Variants in WASHC4 observed in about 807,000 individuals in gnomAD.
The protein encoded by WASHC4 is WASH complex subunit 4.
A neutral mutation model predicts 166.6 loss-of-function variants in WASHC4; 86 were observed. The observed-to-expected ratio is 0.52, with a 90% CI of 0.43 to 0.62. WASHC4 has a LOEUF of 0.62. Among genes scored for constraint, WASHC4 ranks in the 20% least tolerant of loss-of-function variants. WASHC4 has a pLI of 0.00. For synonymous variants in WASHC4, 446 were observed against 451.6 expected, an observed-to-expected ratio of 0.99 and a Z score of 0.16; for missense variants, 1,262 against 1,382.4, an observed-to-expected ratio of 0.91 and a Z score of 1.38.
intron 30 of WASHC4, among the ~76,000 whole-genome samples, chr12:105,163,661 C>G (rs777106027): frequency 3.3e-5 from 5 of 152,074 alleles, no homozygotes; most frequent in African/African-American, 4.8e-5. Flanking sequence ...ATCGCCACAT[C>G]TGGCTAATTA....
intron 26 of WASHC4, among the ~76,000 whole-genome samples, chr12:105,155,439 A>ATT (rs1307233101): frequency 6.6e-6 from 1 of 152,028 alleles, no homozygotes; most frequent in Non-Finnish European, 1.5e-5. Context: ...GTGAGCAAAG[A>ATT]TCTAAGTGGC....
intron 13 of WASHC4, among the ~76,000 whole-genome samples, chr12:105,128,635 T>TTAGGGATGCTGAAC (rs1222417252): frequency 1.3e-5 from 2 of 152,176 alleles, no homozygotes; most frequent in Admixed American, 6.5e-5. Flanking sequence ...GGATTTCAGA[T>TTAGGGATGCTGAAC]TAGGGATGCT....
At chr12:105,148,536 A>C (rs1416662234) in intron 24 of WASHC4, 1 of 985,342 alleles carries the variant, frequency 1.0e-6, no homozygotes, top group African/African-American at 1.7e-5. Context: ...GATAGAAATC[A>C]GGATGGCAGA....
At chr12:105,114,622 T>C (rs1305880250) in intron 4 of WASHC4, among the ~76,000 whole-genome samples, 195 bp downstream of exon 4, 1 of 152,034 alleles carries the variant, frequency 6.6e-6, no homozygotes. Flanking sequence ...GTAATCCTTA[T>C]AGTAACCCCA....
intron 24 of WASHC4, chr12:105,149,000 T>G (rs1883526472): frequency 2.0e-6 from 2 of 981,934 alleles, no homozygotes; most frequent in African/African-American, 3.5e-5. Context: ...TCTGAGAAAT[T>G]ATTACAGTAG....
intron 16 of WASHC4, 49 bp downstream of exon 16, chr12:105,140,450 TG>T: frequency 7.5e-7 from 1 of 1,328,436 alleles, no homozygotes; most frequent in South Asian, 1.2e-5. Flanking sequence ...CTTTTTTGTT[TG>T]TTCTTTCATT....
intron 20 of WASHC4, 36 bp downstream of exon 20, chr12:105,143,279 T>C (rs763365573): frequency 1.7e-6 from 2 of 1,192,076 alleles, no homozygotes; most frequent in Admixed American, 3.4e-5. Context: ...GCTTAAAACA[T>C]GTTTGGAATG....
intron 13 of WASHC4, among the ~76,000 whole-genome samples, chr12:105,133,070 A>C (rs1456331109): frequency 6.6e-6 from 1 of 152,002 alleles, no homozygotes; most frequent in East Asian, 1.9e-4. Context: ...CTTTGCTCAG[A>C]TCCTCTAGTG....
chr12:105,124,183 T>G (rs1196831), intron 10 of WASHC4, among the ~76,000 whole-genome samples: 131,735 of 150,010 alleles, frequency 0.88, 58,121 homozygotes, highest in East Asian at 1. Context: ...GCAGTGGAGC[T>G]ATCTCGGCTC....
In WASHC4 at chr12:105,160,056, T is replaced by C; in HGVS notation, c.2968T>C (p.Tyr990His). 6.2e-7 allele frequency: 1 copy of C among 1,614,000 alleles called. No individual in the cohort carries two copies. Among genetic ancestry groups the C allele is most frequent in the Non-Finnish European group, 8.5e-7 (1 of 1,179,846 alleles). The change falls in exon 29 of 33, where the codon TAT (tyrosine) becomes CAT (histidine). Residue 990 changes from tyrosine (Y) to histidine (H), a missense_variant. Coordinates refer to ENST00000332180, the MANE Select transcript of WASHC4 (RefSeq NM_015275.3). ...ACGAAATTCTGCCGAAGGCACAGAA[T>C]ATTTCAAAATGCTTGTAGACGTTTT... ...HTRNSAEGTE[Y>H]FKMLVDVFAP...
In WASHC4 at chr12:105,120,013, C is replaced by T. The variant is rs117304964; in HGVS notation, c.519-542C>T. Among the ~76,000 whole-genome samples, 449 of 152,268 alleles carry T rather than the reference C, an allele frequency of 2.9e-3. 16 individuals are homozygous for T. In the East Asian group the frequency reaches 0.072, roughly 24 times the overall value. On this transcript the variant is annotated intron_variant, in intron 7 of 32. Coordinates refer to ENST00000332180, the MANE Select transcript of WASHC4 (RefSeq NM_015275.3). ...AGGGAGGCAAGAGGCGGGAGGATAG[C>T]TTGAGCCCAGGAGTTCGAGACCTGC...
intron 14 of WASHC4, 27 bp downstream of exon 14, chr12:105,133,923 AT>A (rs1882085038): frequency 5.0e-6 from 8 of 1,602,366 alleles, no homozygotes; most frequent in African/African-American, 1.3e-5. Context: ...TCGGGGAATC[AT>A]TTTTTTGTTA....
intron 15 of WASHC4, among the ~76,000 whole-genome samples, chr12:105,138,820 A>C (rs1196031959): frequency 2.0e-5 from 3 of 152,050 alleles, no homozygotes; most frequent in Non-Finnish European, 2.9e-5. Context: ...GTATGTTAGA[A>C]TATGTATAAA....
intron 30 of WASHC4, among the ~76,000 whole-genome samples, chr12:105,163,411 TG>T (rs1164838498): frequency 6.6e-6 from 1 of 152,240 alleles, no homozygotes; most frequent in African/African-American, 2.4e-5. Flanking sequence ...GCTTTGTTTT[TG>T]TTGGGGTTGT....
chr12:105,124,064 T>A (rs185157312), intron 10 of WASHC4, among the ~76,000 whole-genome samples: 23 of 152,270 alleles, frequency 1.5e-4, no homozygotes, highest in Admixed American at 3.3e-4. Flanking sequence ...TATACTTTTT[T>A]TTAGACATAA....
At chr12:105,126,174 T>A (rs770120320) in intron 11 of WASHC4, 47 bp downstream of exon 11, 12 of 1,612,700 alleles carry the variant, frequency 7.4e-6, no homozygotes, top group Non-Finnish European at 8.5e-6. Flanking sequence ...AATTTGCATT[T>A]CCTTAAAAGC....
chr12:105,145,239 A>C (rs1294111206), intron 22 of WASHC4, among the ~76,000 whole-genome samples: 1 of 152,012 alleles, frequency 6.6e-6, no homozygotes, highest in Non-Finnish European at 1.5e-5. Flanking sequence ...TATAAAATTT[A>C]GTATCTTAGG....
intron 13 of WASHC4, among the ~76,000 whole-genome samples, chr12:105,127,703 A>G (rs1881418614): frequency 2.0e-5 from 3 of 152,148 alleles, no homozygotes; most frequent in Non-Finnish European, 4.4e-5. Context: ...TTATGAAAAT[A>G]GTATATGCAT....
chr12:105,137,234 C>A (rs1403818455), intron 14 of WASHC4, among the ~76,000 whole-genome samples: 5 of 152,128 alleles, frequency 3.3e-5, no homozygotes, highest in African/African-American at 1.2e-4. Flanking sequence ...AATTTTAACA[C>A]CTCACAAGAC....
Sources: gnomAD v4.1 joint callset for allele counts (sites outside exome capture counted in the v4.1 genomes callset) on GRCh38, gnomAD v4.1.1 for gene constraint, MANE v1.5 for transcripts, NCBI Gene and HGNC (gene_info 2026-07-23, HGNC 2026-07-21) for gene names.